Variants in DNAJA1 observed in about 807,000 individuals in gnomAD.
DNAJA1 encodes the protein DnaJ heat shock protein family (Hsp40) member A1.
DNAJA1 carries 26 observed loss-of-function variants against 47.6 expected under a neutral mutation model. The observed-to-expected ratio is 0.55, with a 90% confidence interval of 0.40 to 0.76. DNAJA1 has a LOEUF of 0.76. Ranked by LOEUF, DNAJA1 falls within the 30% of genes least tolerant of loss-of-function variation. DNAJA1 has a pLI of 0.00. For missense variants in DNAJA1, 315 were observed against 485.0 expected (o/e 0.65, Z 3.29); for synonymous variants, 165 against 158.4 (o/e 1.04, Z -0.31).
chr9:33,030,583 A>C lies in DNAJA1; in HGVS notation c.559A>C (p.Ile187Leu). The C allele has an allele frequency of 6.2e-7, 1 of 1,614,204 alleles. No individual in the cohort carries two copies. The highest frequency in any genetic ancestry group is 8.5e-7 in the Non-Finnish European group (1 of 1,180,030). Reference protein sequence around the residue: ...CMECQGHGERISPKDRCKSCN... With the variant: ...CMECQGHGERLSPKDRCKSCN... Reference sequence around the variant, plus strand: ...GGAGTGCCAGGGCCATGGGGAGCGGATCAGTCCTAAAGATAGATGTAAAAG... The same window carrying C: ...GGAGTGCCAGGGCCATGGGGAGCGGCTCAGTCCTAAAGATAGATGTAAAAG... Residue 187 changes from isoleucine to leucine, a missense_variant, in exon 5 of 9, where the codon ATC becomes CTC. Ile to Leu is a conservative substitution (Grantham distance 5). Transcript: ENST00000330899.
Position 33,029,819 on chromosome 9 carries a change from G to C in DNAJA1, c.311-66G>C. 3 of 1,320,736 alleles carry C rather than the reference G, an allele frequency of 2.3e-6. No individual in the cohort carries two copies. In the South Asian group the frequency reaches 3.9e-5, roughly 17 times the overall value. 81.8% of individuals were successfully genotyped at this position (1,320,736 alleles called of 1,614,324 possible). A position where few individuals can be genotyped will look rare whatever the true frequency, so the allele number is the denominator to read the frequency against. On this transcript the variant is annotated intron_variant, in intron 3 of 8. Transcript: ENST00000330899. ...ATTATTCTTTGCCACATTCTTTATA[G>C]TGCCTTTAGCACAAATAAGATCCAG...
intron 5 of DNAJA1, among the ~76,000 whole-genome samples, chr9:33,032,754 T>TA (rs1838979734): frequency 6.6e-6 from 1 of 152,228 alleles, no homozygotes; most frequent in Admixed American, 6.5e-5. Flanking sequence ...ATGATACTGA[T>TA]AGCGCTTTAA....
chr9:33,037,776 A>AT (rs933017067), intron 8 of DNAJA1, among the ~76,000 whole-genome samples: 1 of 152,146 alleles, frequency 6.6e-6, no homozygotes, highest in African/African-American at 2.4e-5. Context: ...TGCATCATTA[A>AT]TTGGATATTT....
In DNAJA1 at chr9:33,026,799, CT is replaced by C; in HGVS notation, c.133-10del. The C allele has an allele frequency of 6.2e-7, 1 of 1,604,790 alleles. No individual in the cohort carries two copies. Among genetic ancestry groups the C allele is most frequent in the Non-Finnish European group, 8.5e-7 (1 of 1,176,440 alleles). On this transcript the variant is annotated splice_polypyrimidine_tract_variant and intron_variant, in intron 2 of 8. Coordinates refer to ENST00000330899, the MANE Select transcript of DNAJA1 (RefSeq NM_001539.4). ...TTTTTAAAAAATGAAATTCACTCCT[CT>C]TTTCTCAAACAGTTTAAACAGATTT...
intron 5 of DNAJA1, among the ~76,000 whole-genome samples, chr9:33,032,255 A>G (rs1331874916): frequency 6.6e-6 from 1 of 152,270 alleles, no homozygotes; most frequent in Non-Finnish European, 1.5e-5. Context: ...CCAAGAATGT[A>G]GTACATTGAA....
In DNAJA1 at chr9:33,027,553, TCAAA is replaced by T. The variant is rs548606912; in HGVS notation, c.310+568_310+571del. ...CTGCTTCCAAAAATCTTAGATATTA[TCAAA>T]CAAATTATGAGAACAGGCCGCGTGC... On this transcript the variant is annotated intron_variant, in intron 3 of 8. Transcript: ENST00000330899. Among the ~76,000 whole-genome samples, 15 of 151,580 alleles carry T rather than the reference TCAAA, an allele frequency of 9.9e-5. No individual in the cohort carries two copies. In the South Asian group the frequency reaches 2.3e-3, roughly 24 times the overall value.
chr9:33,037,229 TG>T (rs1295180408), intron 8 of DNAJA1, 114 bp downstream of exon 8: 9 of 777,124 alleles, frequency 1.2e-5, no homozygotes, highest in Non-Finnish European at 1.8e-5. Context: ...CCCCGCATTT[TG>T]AGAGGCTGAG....
chr9:33,025,891 C>G (rs972456810), intron 1 of DNAJA1, among the ~76,000 whole-genome samples: 2 of 152,170 alleles, frequency 1.3e-5, no homozygotes, highest in African/African-American at 2.4e-5. Context: ...GGAAGGAAAT[C>G]GGTCAGCGCC....
Position 33,038,745 on chromosome 9 carries a change from C to G in DNAJA1, c.1036C>G (p.Leu346Val), listed in dbSNP as rs1228106521. ...TAAACTGTCTTTGCTGGAAAAACTC[C>G]TACCCGAGAGGAAGGAAGTGGAAGA... ...PDKLSLLEKL[L>V]PERKEVEETD... The change falls in exon 9 of 9, where the codon CTA (leucine) becomes GTA (valine). Residue 346 changes from leucine to valine, a missense_variant. Transcript: ENST00000330899. The G allele has an allele frequency of 6.2e-7, 1 of 1,613,994 alleles. No individual in the cohort carries two copies. Among genetic ancestry groups the G allele is most frequent in the Non-Finnish European group, 8.5e-7 (1 of 1,180,026 alleles).
At chr9:33,025,770 G>C (rs902965609) in intron 1 of DNAJA1, among the ~76,000 whole-genome samples, 5 of 152,162 alleles carry the variant, frequency 3.3e-5, no homozygotes, top group Non-Finnish European at 1.5e-5. Flanking sequence ...TGCGGGGGGA[G>C]CCGGGCGGAG....
At chr9:33,033,415 G>T (rs7859431) in intron 5 of DNAJA1, among the ~76,000 whole-genome samples, 2 of 151,890 alleles carry the variant, frequency 1.3e-5, no homozygotes, top group African/African-American at 4.8e-5. Flanking sequence ...TTTAAAATAC[G>T]GATTTTCAGG....
At chr9:33,026,371 GTTCT>G in intron 1 of DNAJA1, 100 bp from the exon 2 acceptor site, 1 of 1,261,534 alleles carries the variant, frequency 7.9e-7, no homozygotes, top group Non-Finnish European at 1.1e-6. Flanking sequence ...GGAAGGTGGT[GTTCT>G]TATAATCGGA....
chr9:33,034,182 T>C (rs763049006), intron 5 of DNAJA1, 34 bp from the exon 6 acceptor site: 4 of 1,441,212 alleles, frequency 2.8e-6, no homozygotes, highest in South Asian at 1.3e-5. Flanking sequence ...GTTGGATATT[T>C]AATAAAAGTA....
rs369149295 is a variant in DNAJA1, at chr9:33,030,436, T to A, written c.416-4T>A. On this transcript the variant is annotated splice_polypyrimidine_tract_variant and splice_region_variant and intron_variant, in intron 4 of 8. Coordinates refer to ENST00000330899, the MANE Select transcript of DNAJA1 (RefSeq NM_001539.4). ...ACATTATTTAATTTTCTTTTTAAAT[T>A]TAGGTAGAGGAGGTAAGAAAGGAGC... 9.3e-6 allele frequency: 15 copies of A among 1,609,622 alleles called. No individual in the cohort carries two copies. Among genetic ancestry groups the A allele is most frequent in the Non-Finnish European group, 1.3e-5 (15 of 1,178,322 alleles).
intron 7 of DNAJA1, 67 bp from the exon 8 acceptor site, chr9:33,036,948 C>T (rs901556619): frequency 2.1e-6 from 3 of 1,416,936 alleles, no homozygotes; most frequent in East Asian, 2.3e-5. Flanking sequence ...GTGCTCTGTT[C>T]TTTATATTCC....
chr9:33,034,349 C>A lies in DNAJA1; in HGVS notation c.758+19C>A, dbSNP rs754868792. 6.4e-7 allele frequency: 1 copy of A among 1,569,104 alleles called. No individual in the cohort carries two copies. The highest frequency in any genetic ancestry group is 1.2e-5 in the South Asian group (1 of 86,134). On this transcript the variant is annotated intron_variant, in intron 6 of 8. Coordinates refer to ENST00000330899, the MANE Select transcript of DNAJA1 (RefSeq NM_001539.4). ...TTACTCGGTAAAGACTTTTATCAAC[C>A]ACTCAAATTGATATCACATATTTGG...
chr9:33,037,404 C>T (rs554786957), intron 8 of DNAJA1: 12 of 233,850 alleles, frequency 5.1e-5, no homozygotes, highest in South Asian at 1.9e-4. Context: ...GATCTGGCCA[C>T]GTGCCACTGG....
At chr9:33,030,385 T>C in intron 4 of DNAJA1, 55 bp from the exon 5 acceptor site, 2 of 1,502,348 alleles carry the variant, frequency 1.3e-6, no homozygotes, top group Non-Finnish European at 9.1e-7. Flanking sequence ...TTAAAACATT[T>C]ACTACTGTAT....
At chr9:33,037,681 C>G (rs1839057438) in intron 8 of DNAJA1, among the ~76,000 whole-genome samples, 1 of 151,536 alleles carries the variant, frequency 6.6e-6, no homozygotes, top group Admixed American at 6.6e-5. Flanking sequence ...GACCCTGTCT[C>G]AAAAAAAGAA....
Sources: gnomAD v4.1 joint callset for allele counts (sites outside exome capture counted in the v4.1 genomes callset) on GRCh38, gnomAD v4.1.1 for gene constraint, MANE v1.5 for transcripts, NCBI Gene and HGNC (gene_info 2026-07-23, HGNC 2026-07-21) for gene names.